FER: variants seen among roughly 807,000 people sequenced by gnomAD.
FER encodes the protein FER tyrosine kinase.
Under a neutral mutation model 111.0 loss-of-function variants are expected in FER, and 63 were observed. That is an observed-to-expected ratio of 0.57 (90% CI 0.46 to 0.70). FER has a LOEUF of 0.70. Among genes scored for constraint, FER ranks in the 30% least tolerant of loss-of-function variants. The pLI is 0.00. For synonymous variants in FER, 327 were observed against 313.9 expected (o/e 1.04, Z -0.44); for missense variants, 914 against 954.0 (o/e 0.96, Z 0.55).
In FER at chr5:109,104,101, C is replaced by T. The variant is rs534327673; in HGVS notation, c.2048+3582C>T. 4.6e-5 allele frequency among the ~76,000 whole-genome samples: 7 copies of T among 152,288 alleles called. No homozygotes were observed. In the South Asian group the frequency reaches 1.5e-3, roughly 32 times the overall value. ...GGAGGGGTTAGGTAGAATATGATTT[C>T]TTTTTCTAATTTTCAACTCTATACT... is the stretch of plus-strand genomic sequence containing the variant. On this transcript the variant is annotated intron_variant, in intron 17 of 19. Transcript: ENST00000281092.
intron 9 of FER, among the ~76,000 whole-genome samples, chr5:108,896,879 G>T (rs574418151): frequency 1.3e-5 from 2 of 152,130 alleles, no homozygotes; most frequent in Admixed American, 1.3e-4. Context: ...GCAGTGCATG[G>T]CACGGTCCTT....
chr5:109,084,186 A>G (rs1050583988), intron 16 of FER, among the ~76,000 whole-genome samples: 2 of 151,928 alleles, frequency 1.3e-5, no homozygotes, highest in African/African-American at 4.8e-5. Flanking sequence ...AGGGGTAAGC[A>G]CTTTGTTGAC....
At chr5:108,968,153 C>G (rs1439184217) in intron 13 of FER, among the ~76,000 whole-genome samples, 1 of 152,204 alleles carries the variant, frequency 6.6e-6, no homozygotes, top group African/African-American at 2.4e-5. Context: ...CTTTGGGAGG[C>G]AAAGGCAGGT....
In FER at chr5:108,943,307, C is replaced by T. The variant is rs572911709; in HGVS notation, c.1237-2823C>T. On this transcript the variant is annotated intron_variant, in intron 10 of 19. Transcript: ENST00000281092. ...GATGAAAATTTTATCTAGCCAGTGC[C>T]TTTCTTTTTTCTGATGTGGAAACTG... 2.6e-5 allele frequency among the ~76,000 whole-genome samples: 4 copies of T among 152,234 alleles called. No homozygotes were observed. The East Asian group carries it at 7.7e-4, about 29-fold the overall frequency.
intron 17 of FER, among the ~76,000 whole-genome samples, chr5:109,127,439 C>G (rs775437539): frequency 5.9e-5 from 9 of 152,240 alleles, no homozygotes; most frequent in Non-Finnish European, 1.2e-4. Flanking sequence ...GAGTCTCGCT[C>G]TGTTGCCAGG....
At chr5:109,083,781 C>A (rs1016643012) in intron 16 of FER, among the ~76,000 whole-genome samples, 11 of 151,914 alleles carry the variant, frequency 7.2e-5, no homozygotes, top group African/African-American at 2.7e-4. Flanking sequence ...AGTAGGCTTG[C>A]TTACTGCCTG....
At chr5:109,120,485 C>T (rs1437204252) in intron 17 of FER, among the ~76,000 whole-genome samples, 2 of 152,004 alleles carry the variant, frequency 1.3e-5, no homozygotes, top group Non-Finnish European at 2.9e-5. Context: ...CAGTACCATT[C>T]TGTTTTGGGT....
chr5:109,128,204 CAT>C (rs1377221652), intron 17 of FER, among the ~76,000 whole-genome samples: 1 of 151,810 alleles, frequency 6.6e-6, no homozygotes, highest in African/African-American at 2.4e-5. Flanking sequence ...AAGTCAGTAG[CAT>C]CATACCTTTG....
chr5:109,179,407 T>C (rs1758044804), intron 17 of FER, among the ~76,000 whole-genome samples: 1 of 152,178 alleles, frequency 6.6e-6, no homozygotes. Flanking sequence ...TACCAATGGG[T>C]TTGAATATTT....
intron 13 of FER, among the ~76,000 whole-genome samples, chr5:109,007,122 TTTAA>T (rs1247470638): frequency 6.6e-6 from 1 of 152,194 alleles, no homozygotes; most frequent in African/African-American, 2.4e-5. Context: ...TTTAAAAAGT[TTTAA>T]TTACATTGTC....
chr5:108,924,574 T>C, intron 10 of FER: 1 of 1,227,194 alleles, frequency 8.1e-7, no homozygotes. Context: ...ACCTCTCTTC[T>C]ATCTTGCTTT....
chr5:108,880,358 G>GT (rs1374359811), intron 8 of FER, among the ~76,000 whole-genome samples: 2 of 152,150 alleles, frequency 1.3e-5, no homozygotes, highest in Non-Finnish European at 2.9e-5. Flanking sequence ...GAAGCTGGTT[G>GT]TTTTTTCTGT....
At chr5:108,879,702 AT>A (rs201846352) in intron 8 of FER, among the ~76,000 whole-genome samples, 977 of 90,972 alleles carry the variant, frequency 0.011, 25 homozygotes, top group African/African-American at 0.037. Flanking sequence ...TTAAAAAAAA[AT>A]ATATATATAT....
At chr5:109,104,945 A>G (rs971688047) in intron 17 of FER, among the ~76,000 whole-genome samples, 1 of 151,884 alleles carries the variant, frequency 6.6e-6, no homozygotes, top group Non-Finnish European at 1.5e-5. Flanking sequence ...GGGTTTCACC[A>G]TGTTAGCCAG....
chr5:109,083,520 T>C (rs1369688893), intron 16 of FER, among the ~76,000 whole-genome samples: 1 of 152,078 alleles, frequency 6.6e-6, no homozygotes, highest in Non-Finnish European at 1.5e-5. Flanking sequence ...ATGGCTGGGC[T>C]GAAATCTTGT....
intron 6 of FER, among the ~76,000 whole-genome samples, chr5:108,869,017 C>A (rs2150239572): frequency 6.6e-6 from 1 of 151,940 alleles, no homozygotes; most frequent in Middle Eastern, 3.4e-3. Context: ...TAAAATCAGA[C>A]CTTAGCGATA....
intron 5 of FER, among the ~76,000 whole-genome samples, chr5:108,864,852 G>C (rs953883998): frequency 2.0e-5 from 3 of 151,962 alleles, no homozygotes; most frequent in Non-Finnish European, 4.4e-5. Flanking sequence ...CTCTTTTTTG[G>C]TTCCATATGA....
chr5:108,832,053 A>T (rs897037291), intron 3 of FER, among the ~76,000 whole-genome samples: 1 of 152,060 alleles, frequency 6.6e-6, no homozygotes, highest in African/African-American at 2.4e-5. Context: ...ATGCCCACTG[A>T]TCCCAAACCT....
intron 8 of FER, among the ~76,000 whole-genome samples, chr5:108,881,088 AG>A (rs1399251923): frequency 2.0e-5 from 3 of 152,146 alleles, no homozygotes; most frequent in African/African-American, 7.2e-5. Context: ...CACCTCTCAG[AG>A]TATTGATAAA....
Sources: gnomAD v4.1 joint callset for allele counts (sites outside exome capture counted in the v4.1 genomes callset) on GRCh38, gnomAD v4.1.1 for gene constraint, MANE v1.5 for transcripts, NCBI Gene and HGNC (gene_info 2026-07-23, HGNC 2026-07-21) for gene names.